Variants in LASP1 observed in about 807,000 individuals in gnomAD.
LASP1 encodes LIM and SH3 protein 1, also known as LIM and SH3 domain protein 1.
In LASP1, 10 loss-of-function variants were observed where a neutral mutation model predicts 38.6. The observed-to-expected ratio is 0.26, with a 90% CI of 0.16 to 0.44. The LOEUF (loss-of-function observed/expected upper bound fraction) is 0.44. Ranked by LOEUF, LASP1 falls within the 20% of genes least tolerant of loss-of-function variation. The probability of loss-of-function intolerance (pLI) is 1.00; values close to 1 mark genes in which losing one functional copy is unlikely to be tolerated. For missense variants in LASP1, 243 were observed against 375.7 expected, an observed-to-expected ratio of 0.65 and a Z score of 2.92; for synonymous variants, 132 against 140.8, an observed-to-expected ratio of 0.94 and a Z score of 0.44.
At chr17:38,873,671 C>T (rs1413585409) in intron 1 of LASP1, among the ~76,000 whole-genome samples, 2 of 152,220 alleles carry the variant, frequency 1.3e-5, no homozygotes, top group African/African-American at 2.4e-5. Context: ...ATAATCCTGT[C>T]CTCCTCGGAA....
At chr17:38,916,923 T>G (rs1598124216) in intron 6 of LASP1, 1 of 149,408 alleles carries the variant, frequency 6.7e-6, no homozygotes, top group Non-Finnish European at 1.5e-5. Flanking sequence ...AAGGAAGGAG[T>G]GAGCCGTGCA....
chr17:38,893,775 A>G (rs1409750280), intron 3 of LASP1, among the ~76,000 whole-genome samples: 4 of 152,152 alleles, frequency 2.6e-5, no homozygotes, highest in African/African-American at 9.7e-5. Flanking sequence ...TGAGCCGGCC[A>G]GGCTGGAGCA....
intron 2 of LASP1, among the ~76,000 whole-genome samples, chr17:38,885,839 T>C (rs1316646080): frequency 6.6e-6 from 1 of 152,172 alleles, no homozygotes; most frequent in Admixed American, 6.5e-5. Context: ...CCAAAAATTG[T>C]TTCTGGAGGG....
At chr17:38,886,081 CCTCT>C (rs148120574) in intron 2 of LASP1, among the ~76,000 whole-genome samples, 167 of 150,566 alleles carry the variant, frequency 1.1e-3, no homozygotes, top group South Asian at 2.3e-3. Flanking sequence ...CCCCCGTAGA[CCTCT>C]CTCTCTCTCT....
At chr17:38,877,001 C>T (rs1191334749) in intron 1 of LASP1, among the ~76,000 whole-genome samples, 1 of 152,084 alleles carries the variant, frequency 6.6e-6, no homozygotes, top group Non-Finnish European at 1.5e-5. Flanking sequence ...CGTGCCCGGC[C>T]GTGTCCCACA....
chr17:38,881,128 TA>T (rs986621188), intron 2 of LASP1, among the ~76,000 whole-genome samples: 1 of 151,478 alleles, frequency 6.6e-6, no homozygotes, highest in Non-Finnish European at 1.5e-5. Context: ...AAACTAAAGA[TA>T]AAAAAAAATT....
At chr17:38,916,574 A>G (rs1256199835) in intron 6 of LASP1, 3 of 150,060 alleles carry the variant, frequency 2.0e-5, no homozygotes, top group African/African-American at 4.9e-5. Flanking sequence ...AAGAAAAAAG[A>G]CATTTGGCCG....
chr17:38,898,150 G>A (rs1914540156), intron 3 of LASP1, among the ~76,000 whole-genome samples: 1 of 152,210 alleles, frequency 6.6e-6, no homozygotes, highest in African/African-American at 2.4e-5. Context: ...TGTATGGTGG[G>A]ATCTAAATGA....
intron 2 of LASP1, among the ~76,000 whole-genome samples, chr17:38,882,164 A>G (rs933607411): frequency 4.6e-5 from 7 of 152,236 alleles, no homozygotes; most frequent in Non-Finnish European, 8.8e-5. Flanking sequence ...GACTGCAGCC[A>G]TGCAGCCAAT....
Position 38,904,086 on chromosome 17 carries a change from A to G in LASP1, c.357+5567A>G, listed in dbSNP as rs1205987577. 27 of 152,214 alleles carry G rather than the reference A, an allele frequency of 1.8e-4. 1 individual carries two copies. Among genetic ancestry groups the G allele is most frequent in the Admixed American group, 1.8e-3 (27 of 15,280 alleles). 9.4% of individuals were successfully genotyped at this position (152,214 alleles called of 1,614,324 possible). ...ACTTTTTTTATGTGTGAAATATGAC[A>G]CATAGTAACATATACAATAAACACC... is the stretch of plus-strand genomic sequence containing the variant. On this transcript the variant is annotated intron_variant, in intron 4 of 6. Coordinates refer to ENST00000318008, the MANE Select transcript of LASP1 (RefSeq NM_006148.4).
chr17:38,890,101 T>C (rs971341099), intron 2 of LASP1: 2 of 301,684 alleles, frequency 6.6e-6, no homozygotes, highest in Non-Finnish European at 1.3e-5. Flanking sequence ...GCACAAGGCA[T>C]GGATTATCCC....
intron 4 of LASP1, among the ~76,000 whole-genome samples, chr17:38,912,917 C>CG (rs574538844): frequency 9.6e-4 from 146 of 152,322 alleles, no homozygotes; most frequent in African/African-American, 2.9e-3. Context: ...CTTCCTCTGG[C>CG]TGACCCTGCT....
chr17:38,871,948 C>T lies in LASP1; in HGVS notation c.69+1690C>T, dbSNP rs551650984. Among the ~76,000 whole-genome samples, 3 of 152,236 alleles carry T rather than the reference C, an allele frequency of 2.0e-5. No homozygotes were observed. In the East Asian group the frequency reaches 5.8e-4, roughly 29 times the overall value. On this transcript the variant is annotated intron_variant, in intron 1 of 6. Transcript: ENST00000318008. ...GCACACTGGGGTTTCGCCCGCCCCT[C>T]GTGGCAGAGATTTTGGCCTCTGCAT...
At chr17:38,892,822 G>T (rs1914373069) in intron 3 of LASP1, among the ~76,000 whole-genome samples, 1 of 152,240 alleles carries the variant, frequency 6.6e-6, no homozygotes, top group African/African-American at 2.4e-5. Context: ...GGGTTTGGGG[G>T]CTCCTGTCCC....
intron 4 of LASP1, 60 bp from the exon 5 acceptor site, chr17:38,914,265 C>T (rs941031559): frequency 4.8e-5 from 74 of 1,552,892 alleles, no homozygotes; most frequent in Middle Eastern, 4.5e-4. Flanking sequence ...TTGAGGGTCA[C>T]GGGAAGGAAC....
intron 3 of LASP1, among the ~76,000 whole-genome samples, chr17:38,894,882 C>T (rs536087497): frequency 3.9e-5 from 6 of 152,174 alleles, no homozygotes; most frequent in South Asian, 4.2e-4. Flanking sequence ...GGACTACAGG[C>T]GTGCATCACC....
chr17:38,879,258 C>T (rs759775272), intron 2 of LASP1, among the ~76,000 whole-genome samples: 7 of 146,278 alleles, frequency 4.8e-5, no homozygotes, highest in Non-Finnish European at 8.9e-5. Flanking sequence ...TGGATTCAAG[C>T]GATTCTTGTA....
At chr17:38,896,533 G>T (rs149437692) in intron 3 of LASP1, among the ~76,000 whole-genome samples, 1 of 152,226 alleles carries the variant, frequency 6.6e-6, no homozygotes, top group African/African-American at 2.4e-5. Context: ...TTGCAGCGTC[G>T]CCATGGCGAT....
At chr17:38,883,409 G>A (rs1399782457) in intron 2 of LASP1, among the ~76,000 whole-genome samples, 2 of 152,060 alleles carry the variant, frequency 1.3e-5, no homozygotes, top group Admixed American at 6.6e-5. Flanking sequence ...ATAAAAATAG[G>A]TGGAGCAGGA....
Sources: allele counts gnomAD v4.1 joint callset (sites outside exome capture counted in the v4.1 genomes callset), GRCh38; gene constraint gnomAD v4.1.1; transcripts MANE v1.5; gene names NCBI Gene and HGNC (gene_info 2026-07-23, HGNC 2026-07-21).